Variants in NQO1 observed in about 807,000 individuals in gnomAD.
NQO1 encodes the protein NAD(P)H quinone dehydrogenase 1, also known as NAD(P)H dehydrogenase [quinone] 1.
NQO1 carries 30 observed loss-of-function variants against 32.1 expected under a neutral mutation model. That is an observed-to-expected ratio of 0.94 (90% confidence interval 0.70 to 1.27). NQO1 has a LOEUF of 1.27. Ranked by LOEUF, NQO1 falls within the 50% of genes most tolerant of loss-of-function variation. NQO1 has a pLI of 0.00. For synonymous variants in NQO1, 109 were observed against 119.7 expected (o/e 0.91, Z 0.59); for missense variants, 276 against 331.3 (o/e 0.83, Z 1.30).
chr16:69,713,286 ACT>A (rs1313873373), intron 4 of NQO1, among the ~76,000 whole-genome samples, 157 bp from the exon 5 acceptor site: 2 of 152,102 alleles, frequency 1.3e-5, no homozygotes, highest in Admixed American at 1.3e-4. Flanking sequence ...ACATAATATG[ACT>A]CTGCAGGAGT....
At position 69,710,097 on chromosome 16, in the gene NQO1, C is replaced by A. The variant is rs2038018123; in HGVS notation, c.*879G>T. The A allele has an allele frequency of 4.5e-6, 1 of 224,108 alleles. No individual in the cohort carries two copies. Among genetic ancestry groups the A allele is most frequent in the Non-Finnish European group, 8.7e-6 (1 of 115,432 alleles). 13.9% of individuals were successfully genotyped at this position (224,108 alleles called of 1,614,324 possible). On this transcript the variant is annotated 3_prime_UTR_variant, in exon 6 of 6. Transcript: ENST00000320623. ...CCTGTAATCCCAGCACTTTGGGAGG[C>A]TGAGGTAGGCGGATCACCTGAGGTC... is the stretch of plus-strand genomic sequence containing the variant.
At chr16:69,717,083 A>G (rs1341309689) in intron 3 of NQO1, among the ~76,000 whole-genome samples, 1 of 151,430 alleles carries the variant, frequency 6.6e-6, no homozygotes, top group African/African-American at 2.4e-5. Flanking sequence ...GAATAACTAA[A>G]AAAAAAAAAG....
chr16:69,726,413 C>T lies in NQO1; in HGVS notation c.7+20G>A. 6.2e-7 allele frequency: 1 copy of T among 1,611,880 alleles called. No homozygotes were observed. Among genetic ancestry groups the T allele is most frequent in the Non-Finnish European group, 8.5e-7 (1 of 1,179,212 alleles). ...GCTCGAGAGACGACCGCCAAGCACC[C>T]CGCCCTTTGCAGCACTCACCGACCA... On this transcript the variant is annotated intron_variant, in intron 1 of 5. Coordinates refer to ENST00000320623, the MANE Select transcript of NQO1 (RefSeq NM_000903.3).
chr16:69,711,063 C>G lies in NQO1; in HGVS notation c.738G>C (p.Glu246Asp). 6.2e-7 allele frequency: 1 copy of G among 1,614,170 alleles called. No individual in the cohort carries two copies. The highest frequency in any genetic ancestry group is 8.5e-7 in the Non-Finnish European group (1 of 1,180,014). ...GFLMKKEVQD[E>D]EKNKKFGLSV... ...AAAGGCCAAATTTCTTGTTTTTCTC[C>G]TCATCCTGTACCTCTTTTTTCATTA... Residue 246 changes from glutamate to aspartate, a missense_variant, in exon 6 of 6, where the codon GAG becomes GAC. Physicochemically the swap from Glu to Asp is conservative, Grantham distance 45. Coordinates refer to ENST00000320623, the MANE Select transcript of NQO1 (RefSeq NM_000903.3).
Position 69,726,544 on chromosome 16 carries a change from T to A in NQO1, c.-105A>T. The A allele has an allele frequency of 6.7e-7, 1 of 1,501,394 alleles. No homozygotes were observed. The highest frequency in any genetic ancestry group is 9.0e-7 in the Non-Finnish European group (1 of 1,107,820). 93.0% of individuals were successfully genotyped at this position (1,501,394 alleles called of 1,614,324 possible). A position where few individuals can be genotyped will look rare whatever the true frequency, so the allele number is the denominator to read the frequency against. On this transcript the variant is annotated 5_prime_UTR_variant, in exon 1 of 6. It adds an upstream start codon to the 5' untranslated region. Transcript: ENST00000320623. The stretch of plus-strand genomic sequence containing the variant: ...GAGCTGGGCGGCTCCGGCTGCAACC[T>A]TGTGGGAGTCGCGTGTGTAGTGCAC...
At chr16:69,715,417 G>A (rs760825555) in intron 3 of NQO1, among the ~76,000 whole-genome samples, 30 of 152,250 alleles carry the variant, frequency 2.0e-4, no homozygotes, top group Non-Finnish European at 3.2e-4. Flanking sequence ...TTTGCTTCAT[G>A]CTGTTGCTTC....
chr16:69,719,166 CAAAT>C (rs1356447155), intron 1 of NQO1, among the ~76,000 whole-genome samples: 1 of 152,124 alleles, frequency 6.6e-6, no homozygotes, highest in Non-Finnish European at 1.5e-5. Flanking sequence ...AAATGTAAAA[CAAAT>C]AACACCCAGG....
intron 3 of NQO1, among the ~76,000 whole-genome samples, chr16:69,717,586 T>C (rs919073810): frequency 6.6e-6 from 1 of 151,568 alleles, no homozygotes; most frequent in African/African-American, 2.4e-5. Flanking sequence ...ACATCATCTC[T>C]GCAGCTGCAT....
chr16:69,726,359 C>G, intron 1 of NQO1, 74 bp downstream of exon 1: 1 of 1,585,158 alleles, frequency 6.3e-7, no homozygotes, highest in East Asian at 2.3e-5. Context: ...CAGGGCCAAG[C>G]CCCTACAACC....
rs755879882 is a variant in NQO1 at position 69,726,448 on chromosome 16, T to C, written c.-9A>G. The C allele has an allele frequency of 8.1e-6, 13 of 1,610,426 alleles. No individual in the cohort carries two copies. Among genetic ancestry groups the C allele is most frequent in the South Asian group, 1.1e-5 (1 of 91,014 alleles). On this transcript the variant is annotated 5_prime_UTR_variant, in exon 1 of 6. Coordinates refer to ENST00000320623, the MANE Select transcript of NQO1 (RefSeq NM_000903.3). ...CAGCACTCACCGACCATGGCTCTGGTGCAGTCCGGGGCGCTGATTGGCTGG... is the reference window on the plus strand; with the variant it reads ...CAGCACTCACCGACCATGGCTCTGGCGCAGTCCGGGGCGCTGATTGGCTGG...
At chr16:69,713,469 C>T (rs1351779015) in intron 4 of NQO1, among the ~76,000 whole-genome samples, 1 of 152,132 alleles carries the variant, frequency 6.6e-6, no homozygotes, top group African/African-American at 2.4e-5. Flanking sequence ...CTAGGCATGG[C>T]GTAGGACAAG....
rs978028253 is a variant in NQO1, at chr16:69,724,510, T to A, written c.7+1923A>T. Among the ~76,000 whole-genome samples the A allele has an allele frequency of 1.1e-4, 16 of 151,638 alleles. No homozygotes were observed. The East Asian group carries it at 2.3e-3, about 22-fold the overall frequency. On this transcript the variant is annotated intron_variant, in intron 1 of 5. Coordinates refer to ENST00000320623, the MANE Select transcript of NQO1 (RefSeq NM_000903.3). ...TCCCAGCCAAAATTTTTTTTTTTTT[T>A]AATTAGCTGGGTTTCAAGTTCTTCT... is the stretch of plus-strand genomic sequence containing the variant.
rs770696922 is a variant in NQO1 at position 69,718,517 on chromosome 16, C to T, written c.25G>A (p.Val9Ile). 2.4e-5 allele frequency: 39 copies of T among 1,613,722 alleles called. No individual in the cohort carries two copies. The highest frequency in any genetic ancestry group is 1.7e-4 in the Middle Eastern group (1 of 6,014). ...GACGTCCTCTCTGAGTGAGCCAGTA[C>T]GATCAGTGCTCTTCTGCCTACAGAG... MVGRRALI[V>I]LAHSERTSFN... is the part of the protein sequence containing the mutation. Residue 9 changes from valine (V) to isoleucine (I), a missense_variant, in exon 2 of 6, where the codon GTA (valine) becomes ATA (isoleucine). Transcript: ENST00000320623.
In NQO1 at chr16:69,711,289, T is replaced by G; in HGVS notation, c.520-8A>C. 6.2e-7 allele frequency: 1 copy of G among 1,602,410 alleles called. No individual in the cohort carries two copies. The highest frequency in any genetic ancestry group is 8.5e-7 in the Non-Finnish European group (1 of 1,172,032). ...GAAATGCAGAATGCCACTCTGAGGA[T>G]ACAGAAAGCACAGAGAGGTAAGTCA... On this transcript the variant is annotated splice_region_variant and splice_polypyrimidine_tract_variant and intron_variant, in intron 5 of 5. Transcript: ENST00000320623.
At chr16:69,722,280 C>A (rs1254350349) in intron 1 of NQO1, among the ~76,000 whole-genome samples, 1 of 152,168 alleles carries the variant, frequency 6.6e-6, no homozygotes, top group Non-Finnish European at 1.5e-5. Flanking sequence ...TCTCCTTCCT[C>A]AGCCTCCGAA....
Position 69,709,910 on chromosome 16 carries a change from T to C in NQO1, c.*1066A>G, listed in dbSNP as rs2038015557. ...GAAAATAACCTTCTGAAAATTTGTA[T>C]AGATCAGAAATAAAGTATTTTTTGT... On this transcript the variant is annotated 3_prime_UTR_variant, in exon 6 of 6. Coordinates refer to ENST00000320623, the MANE Select transcript of NQO1 (RefSeq NM_000903.3). 5.0e-6 allele frequency: 2 copies of C among 398,282 alleles called. No homozygotes were observed. Among genetic ancestry groups the C allele is most frequent in the East Asian group, 7.1e-5 (2 of 28,070 alleles). The allele number at this position is 398,282 out of a possible 1,614,324, so 24.7% of individuals were successfully genotyped here. A position where few individuals can be genotyped will look rare whatever the true frequency, so the allele number is the denominator to read the frequency against.
At chr16:69,722,039 C>T (rs989411484) in intron 1 of NQO1, among the ~76,000 whole-genome samples, 3 of 151,770 alleles carry the variant, frequency 2.0e-5, no homozygotes, top group South Asian at 2.1e-4. Flanking sequence ...GGGCATAGAG[C>T]GAATTGCCAG....
Position 69,713,709 on chromosome 16 carries a change from A to AT in NQO1, c.418-581dup, listed in dbSNP as rs1039580953. Among the ~76,000 whole-genome samples, 471 of 147,758 alleles carry AT rather than the reference A, an allele frequency of 3.2e-3. 2 individuals carry two copies. The highest frequency in any genetic ancestry group is 2.3e-3 in the Non-Finnish European group (152 of 66,798). ...GCGTTTTATTTTATTTTATTATTTCATTTTTTTTTTCCTGTGAGACAGAGT... is the reference window on the plus strand; with the variant it reads ...GCGTTTTATTTTATTTTATTATTTCATTTTTTTTTTTCCTGTGAGACAGAGT... On this transcript the variant is annotated intron_variant, in intron 4 of 5. Transcript: ENST00000320623.
intron 1 of NQO1, among the ~76,000 whole-genome samples, chr16:69,719,666 G>A (rs752067325): frequency 1.2e-4 from 19 of 152,120 alleles, no homozygotes; most frequent in Non-Finnish European, 2.4e-4. Context: ...CCAGCTATTC[G>A]GGAGCCTGAG....
Sources: allele counts gnomAD v4.1 joint callset (sites outside exome capture counted in the v4.1 genomes callset), GRCh38; gene constraint gnomAD v4.1.1; transcripts MANE v1.5; gene names NCBI Gene and HGNC (gene_info 2026-07-23, HGNC 2026-07-21).